The following TCF12 variants were observed in gnomAD, a reference collection of about 807,000 sequenced individuals.
TCF12 encodes the protein transcription factor 12, also known as DNA-binding protein HTF4.
A neutral mutation model predicts 86.0 loss-of-function variants in TCF12; 45 were observed. The ratio of observed to expected loss-of-function variants is 0.52; its 90% CI spans 0.41 to 0.67. TCF12 has a LOEUF of 0.67. Ranked by LOEUF, TCF12 falls within the 30% of genes least tolerant of loss-of-function variation. The pLI, the probability that TCF12 is intolerant of heterozygous loss-of-function variation, is 0.00. For synonymous variants in TCF12, 330 were observed against 299.6 expected (o/e 1.10, Z -1.05); for missense variants, 881 against 859.9 (o/e 1.02, Z -0.31).
At chr15:56,943,131 T>C (rs2060851465) in intron 3 of TCF12, among the ~76,000 whole-genome samples, 1 of 152,222 alleles carries the variant, frequency 6.6e-6, no homozygotes, top group Non-Finnish European at 1.5e-5. Context: ...TATATGTAAA[T>C]GATGCATAGC....
chr15:57,120,982 AAAAGAAAAG>A (rs1358574041), intron 5 of TCF12, among the ~76,000 whole-genome samples: 33 of 151,062 alleles, frequency 2.2e-4, no homozygotes, highest in Non-Finnish European at 4.3e-4. Context: ...CTGTCTAAAA[AAAAGAAAAG>A]AAAGGAAAGG....
chr15:57,219,574 A>G (rs1252373328), intron 8 of TCF12: 3 of 1,613,474 alleles, frequency 1.9e-6, no homozygotes, highest in African/African-American at 1.3e-5. Context: ...TTGATGTATT[A>G]CTACAATGGG....
chr15:57,284,755 T>C (rs543421261), intron 20 of TCF12, among the ~76,000 whole-genome samples: 8 of 152,344 alleles, frequency 5.3e-5, no homozygotes, highest in African/African-American at 1.7e-4. Flanking sequence ...TCTTGTTTTC[T>C]TCTCAGTCTC....
intron 5 of TCF12, among the ~76,000 whole-genome samples, chr15:57,163,388 A>G (rs1210555055): frequency 6.6e-6 from 1 of 152,158 alleles, no homozygotes; most frequent in Admixed American, 6.5e-5. Flanking sequence ...CCCTTTAGAT[A>G]TGCAAAATAA....
intron 3 of TCF12, among the ~76,000 whole-genome samples, chr15:56,930,265 A>G (rs191001676): frequency 6.6e-6 from 1 of 152,316 alleles, no homozygotes; most frequent in East Asian, 1.9e-4. Context: ...GGGATGAATA[A>G]GTGGTTGGTT....
intron 7 of TCF12, among the ~76,000 whole-genome samples, chr15:57,193,064 GT>G (rs1261189121): frequency 6.6e-6 from 1 of 152,118 alleles, no homozygotes; most frequent in Non-Finnish European, 1.5e-5. Context: ...TTGCAAGGTG[GT>G]TTTATATACA....
intron 12 of TCF12, among the ~76,000 whole-genome samples, chr15:57,240,635 A>G (rs1288229244): frequency 1.3e-5 from 2 of 152,164 alleles, no homozygotes; most frequent in Non-Finnish European, 2.9e-5. Flanking sequence ...TAATCCCAGC[A>G]CTTTGGGAGG....
rs769142592 is a variant in TCF12 at position 57,251,385 on chromosome 15, C to T, written c.1150C>T (p.Pro384Ser). ...GTGGCCAAGACCTGGAGGGCAAGCA[C>T]CTTCATCCCCAAGCTATGAAAACTC... is the stretch of plus-strand genomic sequence containing the variant. Reference protein sequence around the residue: ...SQWPRPGGQAPSSPSYENSLH... With the variant: ...SQWPRPGGQASSSPSYENSLH... Residue 384 changes from proline (P) to serine (S), a missense_variant, in exon 14 of 21, where the codon CCT becomes TCT. Transcript: ENST00000333725. 10 of 1,613,960 alleles carry T rather than the reference C, an allele frequency of 6.2e-6. No individual in the cohort carries two copies. The highest frequency in any genetic ancestry group is 2.2e-5 in the South Asian group (2 of 91,070).
chr15:57,080,438 C>T (rs1473096165), intron 4 of TCF12, among the ~76,000 whole-genome samples: 2 of 152,120 alleles, frequency 1.3e-5, no homozygotes, highest in African/African-American at 2.4e-5. Flanking sequence ...TGTCCTTTAG[C>T]CAGATAATCA....
intron 8 of TCF12, among the ~76,000 whole-genome samples, chr15:57,223,424 A>C (rs1195926071): frequency 2.0e-5 from 3 of 152,036 alleles, no homozygotes; most frequent in African/African-American, 7.2e-5. Flanking sequence ...AACTGGGAAA[A>C]GCACAAGGCC....
chr15:56,994,326 A>G (rs1279186444), intron 3 of TCF12, among the ~76,000 whole-genome samples: 1 of 152,176 alleles, frequency 6.6e-6, no homozygotes, highest in Non-Finnish European at 1.5e-5. Flanking sequence ...GTAATCCAAA[A>G]TCTAACATAT....
intron 8 of TCF12, among the ~76,000 whole-genome samples, chr15:57,230,103 G>T (rs12917093): frequency 0.39 from 59,316 of 151,636 alleles, 14,493 homozygotes; most frequent in Non-Finnish European, 0.54. Context: ...TGAGTTTCTT[G>T]TGTGTAATTC....
At chr15:57,141,909 G>C (rs1182808499) in intron 5 of TCF12, among the ~76,000 whole-genome samples, 1 of 152,144 alleles carries the variant, frequency 6.6e-6, no homozygotes, top group Non-Finnish European at 1.5e-5. Flanking sequence ...GGAACTCTTG[G>C]TTGAAGAATA....
At chr15:57,054,366 CTAA>C (rs1351657195) in intron 3 of TCF12, among the ~76,000 whole-genome samples, 6 of 152,186 alleles carry the variant, frequency 3.9e-5, no homozygotes, top group African/African-American at 7.2e-5. Flanking sequence ...ACTTATGATC[CTAA>C]TGGGTACCAT....
At chr15:56,921,847 T>C (rs900090978) in intron 3 of TCF12, among the ~76,000 whole-genome samples, 1 of 152,068 alleles carries the variant, frequency 6.6e-6, no homozygotes, top group Non-Finnish European at 1.5e-5. Flanking sequence ...CATAACCACC[T>C]AAACACTTTA....
chr15:57,133,663 G>A (rs1318042926), intron 5 of TCF12, among the ~76,000 whole-genome samples: 1 of 149,472 alleles, frequency 6.7e-6, no homozygotes, highest in East Asian at 2.0e-4. Context: ...AGCAAGTGCT[G>A]GCTGAATAGT....
At chr15:57,095,623 CCTTT>C (rs1355283324) in intron 5 of TCF12, among the ~76,000 whole-genome samples, 2 of 151,960 alleles carry the variant, frequency 1.3e-5, no homozygotes, top group African/African-American at 4.8e-5. Flanking sequence ...TAATTGTGTT[CCTTT>C]CTGAGACACT....
At chr15:57,039,244 C>T (rs777093243) in intron 3 of TCF12, among the ~76,000 whole-genome samples, 5 of 152,000 alleles carry the variant, frequency 3.3e-5, no homozygotes, top group Non-Finnish European at 7.4e-5. Flanking sequence ...TAATTGATGC[C>T]GTAATTGAGA....
At chr15:57,010,512 C>G (rs748631538) in intron 3 of TCF12, among the ~76,000 whole-genome samples, 9 of 152,150 alleles carry the variant, frequency 5.9e-5, no homozygotes, top group Non-Finnish European at 1.0e-4. Context: ...AGGAAAGACA[C>G]ATTAGAAGCA....
Sources: gnomAD v4.1 joint callset for allele counts (sites outside exome capture counted in the v4.1 genomes callset) on GRCh38, gnomAD v4.1.1 for gene constraint, MANE v1.5 for transcripts, NCBI Gene and HGNC (gene_info 2026-07-23, HGNC 2026-07-21) for gene names.